Variants in GRXCR1 observed in about 807,000 individuals in gnomAD.
The protein encoded by GRXCR1 is glutaredoxin domain-containing cysteine-rich protein 1.
In GRXCR1, 27 loss-of-function variants were observed where a neutral mutation model predicts 27.3. The ratio of observed to expected loss-of-function variants is 0.99; its 90% CI spans 0.73 to 1.37. The LOEUF (loss-of-function observed/expected upper bound fraction) is 1.37. Ranked by LOEUF, GRXCR1 falls within the 40% of genes most tolerant of loss-of-function variation. GRXCR1 has a pLI of 0.00. For synonymous variants in GRXCR1, 122 were observed against 131.1 expected (o/e 0.93, Z 0.47); for missense variants, 379 against 354.4 (o/e 1.07, Z -0.56).
intron 1 of GRXCR1, among the ~76,000 whole-genome samples, chr4:42,947,505 C>T (rs1166427993): frequency 1.3e-5 from 2 of 152,124 alleles, no homozygotes; most frequent in Non-Finnish European, 2.9e-5. Flanking sequence ...GGAATATAGA[C>T]TTCATTCAAT....
At chr4:42,925,817 A>G (rs1347926702) in intron 1 of GRXCR1, among the ~76,000 whole-genome samples, 2 of 151,982 alleles carry the variant, frequency 1.3e-5, no homozygotes, top group African/African-American at 2.4e-5. Flanking sequence ...AGCTGATTCA[A>G]TTAATCCCAC....
At chr4:42,918,930 T>C (rs932355113) in intron 1 of GRXCR1, among the ~76,000 whole-genome samples, 1 of 152,032 alleles carries the variant, frequency 6.6e-6, no homozygotes, top group African/African-American at 2.4e-5. Context: ...AGAGAAGTCA[T>C]GTATCAAAAG....
chr4:42,919,189 T>C (rs970868732), intron 1 of GRXCR1, among the ~76,000 whole-genome samples: 2 of 152,132 alleles, frequency 1.3e-5, no homozygotes, highest in African/African-American at 4.8e-5. Context: ...CTTCAGGTAA[T>C]AGCAGCAGCA....
At chr4:42,987,254 TA>T (rs1560676948) in intron 2 of GRXCR1, among the ~76,000 whole-genome samples, 132 of 66,912 alleles carry the variant, frequency 2.0e-3, no homozygotes, top group African/African-American at 6.6e-3. Flanking sequence ...ATATAATATA[TA>T]TATATAATAT....
chr4:42,979,075 C>T (rs1265886883), intron 2 of GRXCR1, among the ~76,000 whole-genome samples: 2 of 128,572 alleles, frequency 1.6e-5, no homozygotes, highest in Non-Finnish European at 3.3e-5. Flanking sequence ...TCAATCAAAC[C>T]TCTCTCTCCT....
chr4:43,025,613 A>AACCAGGTCTGCCTGGATTCTTAATTGC (rs1280937988), intron 3 of GRXCR1, among the ~76,000 whole-genome samples: 7 of 152,216 alleles, frequency 4.6e-5, no homozygotes, highest in Non-Finnish European at 1.0e-4. Context: ...TGCTATTCTC[A>AACCAGGTCTGCCTGGATTCTTAATTGC]ACCAGGTCTG....
At chr4:42,963,254 CA>C in intron 2 of GRXCR1, 120 bp downstream of exon 2, 2 of 1,138,352 alleles carry the variant, frequency 1.8e-6, no homozygotes, top group Non-Finnish European at 2.7e-6. Flanking sequence ...TTTTGGAGCT[CA>C]AACCAAAGGG....
intron 2 of GRXCR1, among the ~76,000 whole-genome samples, chr4:42,983,173 G>A (rs1225238807): frequency 4.6e-5 from 7 of 150,834 alleles, no homozygotes; most frequent in Non-Finnish European, 1.5e-5. Context: ...TTCTTCTAGG[G>A]TTTTTATGGT....
chr4:42,908,746 C>G (rs1304183449), intron 1 of GRXCR1, among the ~76,000 whole-genome samples: 4 of 152,102 alleles, frequency 2.6e-5, no homozygotes, highest in Admixed American at 1.3e-4. Flanking sequence ...GAAAAAATCA[C>G]AATTTAGGAG....
At chr4:42,998,195 G>C (rs148870598) in intron 2 of GRXCR1, among the ~76,000 whole-genome samples, 1 of 152,064 alleles carries the variant, frequency 6.6e-6, no homozygotes, top group African/African-American at 2.4e-5. Flanking sequence ...CCTTCTGAAC[G>C]TGAGTCCATA....
chr4:42,898,805 G>A (rs1577896736), intron 1 of GRXCR1, among the ~76,000 whole-genome samples: 1 of 148,608 alleles, frequency 6.7e-6, no homozygotes, highest in Non-Finnish European at 1.5e-5. Flanking sequence ...AAATTCTTAT[G>A]TAGTGTTCTG....
At chr4:43,024,725 C>T (rs956838056) in intron 3 of GRXCR1, among the ~76,000 whole-genome samples, 3 of 152,084 alleles carry the variant, frequency 2.0e-5, no homozygotes, top group African/African-American at 7.2e-5. Context: ...ATTTTTTTAG[C>T]AGCTTGGTCA....
At chr4:42,894,018 G>A (rs1746294437) in intron 1 of GRXCR1, among the ~76,000 whole-genome samples, 1 of 152,152 alleles carries the variant, frequency 6.6e-6, no homozygotes, top group South Asian at 2.1e-4. Flanking sequence ...AAATACCAGT[G>A]TAGCATTTAT....
intron 1 of GRXCR1, among the ~76,000 whole-genome samples, chr4:42,937,481 G>A (rs1747488017): frequency 6.6e-6 from 1 of 151,814 alleles, no homozygotes; most frequent in African/African-American, 2.4e-5. Flanking sequence ...ATTGTTTCTA[G>A]GACCTCTCAG....
chr4:43,029,860 T>C (rs183852349), intron 3 of GRXCR1, among the ~76,000 whole-genome samples: 1 of 152,332 alleles, frequency 6.6e-6, no homozygotes, highest in Admixed American at 6.5e-5. Context: ...AAAGAAGTAT[T>C]ATTCTAAATG....
At chr4:42,986,204 T>A (rs1018873704) in intron 2 of GRXCR1, among the ~76,000 whole-genome samples, 1 of 152,174 alleles carries the variant, frequency 6.6e-6, no homozygotes, top group Non-Finnish European at 1.5e-5. Context: ...CCTGACCATA[T>A]GTTTGGTCCT....
intron 2 of GRXCR1, among the ~76,000 whole-genome samples, chr4:43,018,840 G>C (rs1215079031): frequency 3.9e-5 from 6 of 152,090 alleles, no homozygotes; most frequent in Non-Finnish European, 8.8e-5. Context: ...TGTTGTCATG[G>C]TGCTTTCATT....
chr4:42,954,592 A>G (rs772656048), intron 1 of GRXCR1, among the ~76,000 whole-genome samples: 5 of 152,130 alleles, frequency 3.3e-5, no homozygotes, highest in Admixed American at 1.3e-4. Context: ...AAAAGTGCAT[A>G]TGTAGAGTTC....
rs552328025 is a variant in GRXCR1 at position 42,929,638 on chromosome 4, C to T, written c.385-33254C>T. Reference sequence around the variant, plus strand: ...TGAGTAGGTTTGAGAAGGTGGAAGACGGAGAAATGCTACTTAAAGTCACAC... The same window carrying T: ...TGAGTAGGTTTGAGAAGGTGGAAGATGGAGAAATGCTACTTAAAGTCACAC... On this transcript the variant is annotated intron_variant, in intron 1 of 3. Coordinates refer to ENST00000399770, the MANE Select transcript of GRXCR1 (RefSeq NM_001080476.3). Among the ~76,000 whole-genome samples the T allele has an allele frequency of 9.9e-5, 15 of 151,862 alleles. No homozygotes were observed. In the South Asian group the frequency reaches 2.3e-3, roughly 23 times the overall value.
Sources: gnomAD v4.1 joint callset for allele counts (sites outside exome capture counted in the v4.1 genomes callset) on GRCh38, gnomAD v4.1.1 for gene constraint, MANE v1.5 for transcripts, NCBI Gene and HGNC (gene_info 2026-07-23, HGNC 2026-07-21) for gene names.